The following AFAP1L2 variants were observed in gnomAD, a reference collection of about 807,000 sequenced individuals.
The protein encoded by AFAP1L2 is actin filament-associated protein 1-like 2.
In AFAP1L2, 46 loss-of-function variants were observed where a neutral mutation model predicts 99.3. The observed-to-expected ratio is 0.46, with a 90% CI of 0.37 to 0.59. The LOEUF is 0.59. AFAP1L2 is among the 20% of genes least tolerant of loss of function. AFAP1L2 has a pLI of 0.00. For synonymous variants in AFAP1L2, 397 were observed against 419.1 expected (o/e 0.95, Z 0.64); for missense variants, 959 against 1,034.9 (o/e 0.93, Z 1.01).
At chr10:114,286,188 G>T in the AFAP1L2 span, 2 of 1,614,062 alleles carry the variant, frequency 1.2e-6, no homozygotes, top group Non-Finnish European at 1.7e-6. Context: ...ATTCCCTTCC[G>T]TGGTGGCCCC....
At position 114,297,181 on chromosome 10, in the gene AFAP1L2, C is replaced by A. The variant is rs754081728; in HGVS notation, c.2307+39G>T. 2.2e-5 allele frequency: 34 copies of A among 1,573,384 alleles called. No individual in the cohort carries two copies. In the South Asian group the frequency reaches 3.8e-4, roughly 17 times the overall value. On this transcript the variant is annotated intron_variant, in intron 17 of 18. Coordinates refer to ENST00000304129, the MANE Select transcript of AFAP1L2 (RefSeq NM_001001936.3). ...CCCACCCCAACCCATGTCCAGGGAG[C>A]CCTGCAAGCAGCCCAGAGGCCGCAG...
intron 1 of AFAP1L2, among the ~76,000 whole-genome samples, chr10:114,380,847 T>C (rs558296781): frequency 1.3e-5 from 2 of 152,338 alleles, no homozygotes; most frequent in East Asian, 3.9e-4. Flanking sequence ...GTTTTAAACA[T>C]GACATATAAG....
chr10:114,290,684 A>G (rs2039496468), downstream of AFAP1L2, among the ~76,000 whole-genome samples: 2 of 151,994 alleles, frequency 1.3e-5, no homozygotes, highest in African/African-American at 4.8e-5. Context: ...AAGTCATGAC[A>G]ACTAGGAGGG....
At chr10:114,323,789 C>T (rs891900510) in intron 4 of AFAP1L2, among the ~76,000 whole-genome samples, 28 of 152,174 alleles carry the variant, frequency 1.8e-4, no homozygotes, top group African/African-American at 6.5e-4. Context: ...ATCGAAATTT[C>T]AGGAGTCAGT....
intron 1 of AFAP1L2, among the ~76,000 whole-genome samples, chr10:114,372,363 G>T (rs569172504): frequency 6.6e-6 from 1 of 152,314 alleles, no homozygotes; most frequent in South Asian, 2.1e-4. Flanking sequence ...GTGTGTCTGA[G>T]AATTTATGGC....
At chr10:114,329,304 G>A (rs112434320) in intron 4 of AFAP1L2, among the ~76,000 whole-genome samples, 67 of 152,308 alleles carry the variant, frequency 4.4e-4, no homozygotes, top group Admixed American at 1.2e-3. Flanking sequence ...CCCAGGGCCC[G>A]CAGGGACTCT....
chr10:114,386,190 C>T (rs936626297), intron 1 of AFAP1L2, among the ~76,000 whole-genome samples: 4 of 152,026 alleles, frequency 2.6e-5, no homozygotes, highest in African/African-American at 9.7e-5. Flanking sequence ...ACACCTTCAA[C>T]GGAATATCTG....
chr10:114,292,031 A>G (rs1358059919), downstream of AFAP1L2, among the ~76,000 whole-genome samples: 2 of 152,164 alleles, frequency 1.3e-5, no homozygotes, highest in East Asian at 1.9e-4. Context: ...TAATCCCAGC[A>G]CTTTGGAGGC....
intron 4 of AFAP1L2, among the ~76,000 whole-genome samples, chr10:114,330,976 A>C (rs1181141398): frequency 6.6e-6 from 1 of 152,030 alleles, no homozygotes; most frequent in Non-Finnish European, 1.5e-5. Flanking sequence ...TCTCTCAAGA[A>C]CTCTGGAGAG....
In AFAP1L2 at chr10:114,315,699, G is replaced by T; in HGVS notation, c.473C>A (p.Ser158Ter). 1 of 1,613,710 alleles carries T rather than the reference G, an allele frequency of 6.2e-7. No individual in the cohort carries two copies. Among genetic ancestry groups the T allele is most frequent in the South Asian group, 1.1e-5 (1 of 91,032 alleles). The change falls in exon 6 of 19, where the codon TCG (serine) becomes TAG (stop). Residue 158 changes from serine (S) to a stop codon, truncating the protein, a stop_gained. Transcript: ENST00000304129. LOFTEE classifies it high-confidence loss of function. ...YDEEDGSKGK[S>*]APYQWPSPEA... ...CGGCGAGGGCCACTGGTAAGGGGCC[G>T]ACTTGCCCTTGCTGCCGTCCTCTTC...
rs1358304031 is a variant in AFAP1L2 at position 114,331,878 on chromosome 10, C to T, written c.240G>A (p.Leu80=). Reference sequence around the variant, plus strand: ...GCTGGCTGGGCTCCCCATTGGGTAGCAGGCCCTGCTCCTCAGGCGCTGCGG... The same window carrying T: ...GCTGGCTGGGCTCCCCATTGGGTAGTAGGCCCTGCTCCTCAGGCGCTGCGG... ...SQGKAPEEQG[L]LPNGEPSQHS... is the part of the protein sequence containing the mutation. Residue 80 remains leucine, a synonymous_variant, in exon 4 of 19, where the codon CTG becomes CTA. Coordinates refer to ENST00000304129, the MANE Select transcript of AFAP1L2 (RefSeq NM_001001936.3). 5.2e-6 allele frequency: 7 copies of T among 1,343,358 alleles called. No homozygotes were observed. Among genetic ancestry groups the T allele is most frequent in the Non-Finnish European group, 5.8e-6 (6 of 1,038,182 alleles). 83.2% of individuals were successfully genotyped at this position (1,343,358 alleles called of 1,614,324 possible).
chr10:114,286,519 C>A, the AFAP1L2 span: 1 of 1,552,718 alleles, frequency 6.4e-7, no homozygotes, highest in Non-Finnish European at 8.7e-7. Flanking sequence ...CAGGTAAGGT[C>A]CCAGTGCCTG....
chr10:114,384,659 A>G (rs1335376078), intron 1 of AFAP1L2, among the ~76,000 whole-genome samples: 1 of 152,240 alleles, frequency 6.6e-6, no homozygotes, highest in Non-Finnish European at 1.5e-5. Context: ...ATCACATAGT[A>G]GGTAAGGCCC....
intron 1 of AFAP1L2, among the ~76,000 whole-genome samples, chr10:114,365,218 T>C (rs181383858): frequency 3.3e-5 from 5 of 152,278 alleles, no homozygotes; most frequent in Admixed American, 2.0e-4. Context: ...CATTGTTCTC[T>C]TCTGGTATGG....
At position 114,323,187 on chromosome 10, in the gene AFAP1L2, A is replaced by G. The variant is rs148438772; in HGVS notation, c.390T>C (p.Tyr130=). The G allele has an allele frequency of 6.3e-7, 1 of 1,598,578 alleles. No individual in the cohort carries two copies. The highest frequency in any genetic ancestry group is 1.1e-5 in the South Asian group (1 of 88,230). Reference sequence around the variant, plus strand: ...GGGATGTACCATTGAGGGATGTGTCATATGGCTCAGCCTCTTCATAGTAGC... The same window carrying G: ...GGGATGTACCATTGAGGGATGTGTCGTATGGCTCAGCCTCTTCATAGTAGC... The part of the protein sequence containing the change: ...PEGYYEEAEP[Y]DTSLNEDGEA... Residue 130 remains tyrosine (Y), a synonymous_variant, in exon 5 of 19, where the codon TAT becomes TAC. Transcript: ENST00000304129.
At chr10:114,306,528 C>T (rs1036239572) in intron 10 of AFAP1L2, among the ~76,000 whole-genome samples, 1 of 151,988 alleles carries the variant, frequency 6.6e-6, no homozygotes, top group African/African-American at 2.4e-5. Flanking sequence ...CAGGCAATAG[C>T]GTGAAAATGC....
the AFAP1L2 span, among the ~76,000 whole-genome samples, chr10:114,282,017 C>G: frequency 8.4e-6 from 1 of 119,662 alleles, no homozygotes; most frequent in African/African-American, 3.2e-5. Context: ...CTTATGTTAC[C>G]TTTTTTTTTT....
chr10:114,400,092 C>T (rs538812471), intron 1 of AFAP1L2, among the ~76,000 whole-genome samples: 58 of 152,326 alleles, frequency 3.8e-4, no homozygotes, highest in South Asian at 8.3e-4. Flanking sequence ...GGGCTCTGGA[C>T]AGAAAAAGCC....
the AFAP1L2 span, chr10:114,286,148 G>A: frequency 1.9e-6 from 3 of 1,613,988 alleles, no homozygotes; most frequent in African/African-American, 2.7e-5. Context: ...GTACCAGGAT[G>A]TGCCTGACCT....
Sources: allele counts gnomAD v4.1 joint callset (sites outside exome capture counted in the v4.1 genomes callset), GRCh38; gene constraint gnomAD v4.1.1; transcripts MANE v1.5; gene names NCBI Gene and HGNC (gene_info 2026-07-23, HGNC 2026-07-21).